The following ZNF41 variants were observed in gnomAD, a reference collection of about 807,000 sequenced individuals.
ZNF41 encodes the protein zinc finger protein 41.
ZNF41 carries 6 observed loss-of-function variants against 9.3 expected under a neutral mutation model. That is an observed-to-expected ratio of 0.65 (90% CI 0.35 to 1.28). The LOEUF is 1.28. ZNF41 is among the 50% of genes most tolerant of loss of function. The pLI is 0.03. For missense variants in ZNF41, 523 were observed against 585.8 expected (o/e 0.89, Z 1.11); for synonymous variants, 192 against 207.1 (o/e 0.93, Z 0.63).
In ZNF41 at chrX:47,457,411, A is replaced by G. The variant is rs752508376; in HGVS notation, c.73-1013T>C. On this transcript the variant is annotated intron_variant, in intron 2 of 4. Coordinates refer to ENST00000684689, the MANE Select transcript of ZNF41 (RefSeq NM_001324144.2). ...GGTGATACAGAGTGAGACTCCGTCT[A>G]AAAAAAAAAAAAGGATTGATCACGA... 9.2e-3 allele frequency among the ~76,000 whole-genome samples: 948 copies of G among 102,553 alleles called. 16 individuals are homozygous for G. The highest frequency in any genetic ancestry group is 0.04 in the Middle Eastern group (8 of 202). 89.1% of individuals were successfully genotyped at this position (102,553 alleles called of 115,157 possible).
intron 2 of ZNF41, among the ~76,000 whole-genome samples, chrX:47,465,948 A>G (rs190880393): frequency 8.9e-6 from 1 of 112,322 alleles, no homozygotes; most frequent in African/African-American, 3.2e-5. Context: ...GTAACCAAAG[A>G]GTATGATTCT....
chrX:47,449,159 T>G lies in ZNF41; in HGVS notation c.611A>C (p.Asn204Thr), dbSNP rs1317976254. 11 of 1,209,856 alleles carry G rather than the reference T, an allele frequency of 9.1e-6. No individual in the cohort carries two copies. Among genetic ancestry groups the G allele is most frequent in the Non-Finnish European group, 1.1e-5 (10 of 895,207 alleles). Reference sequence around the variant, plus strand: ...CTTTGTTGCACTGTTTCTATTATGATTATGTGAGTTTAAAGTATGCTTCAA... The same window carrying G: ...CTTTGTTGCACTGTTTCTATTATGAGTATGTGAGTTTAAAGTATGCTTCAA... Reference protein sequence around the residue: ...TILKHTLNSHNHNRNSATKNL... With the variant: ...TILKHTLNSHTHNRNSATKNL... The change falls in exon 5 of 5, where the codon AAT (asparagine) becomes ACT (threonine). Residue 204 changes from asparagine (N) to threonine (T), a missense_variant. By Grantham distance (65) the Asn-to-Thr change is moderately conservative. Coordinates refer to ENST00000684689, the MANE Select transcript of ZNF41 (RefSeq NM_001324144.2).
chrX:47,468,836 C>T (rs750342231), intron 1 of ZNF41, among the ~76,000 whole-genome samples: 11 of 111,110 alleles, frequency 9.9e-5, no homozygotes, highest in Non-Finnish European at 2.1e-4. Context: ...ACATTTCCAA[C>T]ACTTCCAGGC....
In ZNF41 at chrX:47,452,208, C is replaced by T. The variant is rs139445959; in HGVS notation, c.296-2734G>A. Among the ~76,000 whole-genome samples, 405 of 110,774 alleles carry T rather than the reference C, an allele frequency of 3.7e-3. 5 individuals are homozygous for T. The highest frequency in any genetic ancestry group is 0.013 in the African/African-American group (382 of 30,530). On this transcript the variant is annotated intron_variant, in intron 4 of 4. Coordinates refer to ENST00000684689, the MANE Select transcript of ZNF41 (RefSeq NM_001324144.2). ...TAGTGTCCCCAGTACCCAGGTCTCGCGGTCTTCTCTAGAGCTCGGCTCCTG... is the reference window on the plus strand; with the variant it reads ...TAGTGTCCCCAGTACCCAGGTCTCGTGGTCTTCTCTAGAGCTCGGCTCCTG...
intron 2 of ZNF41, among the ~76,000 whole-genome samples, chrX:47,466,809 C>T (rs2057005121): frequency 9.0e-6 from 1 of 111,640 alleles, no homozygotes; most frequent in African/African-American, 3.3e-5. Flanking sequence ...CATGAGCCAC[C>T]GTGCCCGGCC....
chrX:47,462,944 TATAC>T (rs1391014847), intron 2 of ZNF41, among the ~76,000 whole-genome samples: 130 of 59,814 alleles, frequency 2.2e-3, no homozygotes, highest in African/African-American at 6.6e-3. Flanking sequence ...CATATATATA[TATAC>T]ACACACACAC....
At chrX:47,478,266 G>A (rs1039003400) in intron 1 of ZNF41, among the ~76,000 whole-genome samples, 3 of 112,264 alleles carry the variant, frequency 2.7e-5, no homozygotes, top group Non-Finnish European at 5.6e-5. Context: ...AGCACTTTGG[G>A]AGGCCGAGGC....
chrX:47,469,039 C>T (rs1436370827), intron 1 of ZNF41, among the ~76,000 whole-genome samples: 4 of 110,758 alleles, frequency 3.6e-5, no homozygotes, highest in South Asian at 3.7e-4. Context: ...TAGCCGGGCG[C>T]GGTGGCTCAC....
chrX:47,465,806 G>A (rs2056963304), intron 2 of ZNF41, among the ~76,000 whole-genome samples: 1 of 111,118 alleles, frequency 9.0e-6, no homozygotes, highest in African/African-American at 3.3e-5. Context: ...GACTGCCTCA[G>A]AGAAAAAACA....
At chrX:47,455,262 A>T (rs2056514355) in intron 4 of ZNF41, among the ~76,000 whole-genome samples, 1 of 86,834 alleles carries the variant, frequency 1.2e-5, no homozygotes, top group African/African-American at 4.4e-5. Context: ...TAAATAAATA[A>T]ATAAAAATAA....
chrX:47,467,512 C>T lies in ZNF41; in HGVS notation c.-31G>A, dbSNP rs1282988948. 8.5e-7 allele frequency: 1 copy of T among 1,170,414 alleles called. No individual in the cohort carries two copies. The highest frequency in any genetic ancestry group is 1.1e-6 in the Non-Finnish European group (1 of 874,148). ...CGCTGGGCCTCAGCCCTCAGGCTCT[C>T]CTGCTGACAACCCCACTCTTCCCCA... is the stretch of plus-strand genomic sequence containing the variant. On this transcript the variant is annotated 5_prime_UTR_variant, in exon 2 of 5. Coordinates refer to ENST00000684689, the MANE Select transcript of ZNF41 (RefSeq NM_001324144.2).
intron 4 of ZNF41, among the ~76,000 whole-genome samples, chrX:47,449,992 C>T (rs1432381069): frequency 9.0e-6 from 1 of 111,455 alleles, no homozygotes; most frequent in Non-Finnish European, 1.9e-5. Context: ...AGCTCCACCA[C>T]TTTACTAAGC....
intron 1 of ZNF41, among the ~76,000 whole-genome samples, chrX:47,481,898 T>C: frequency 9.0e-6 from 1 of 110,952 alleles, no homozygotes; most frequent in Non-Finnish European, 1.9e-5. Context: ...AAGTCAAAAG[T>C]AGGTTTTGAA....
In ZNF41 at chrX:47,467,255, T is replaced by C. The variant is rs953110325; in HGVS notation, c.72+155A>G. 2.7e-6 allele frequency: 3 copies of C among 1,126,074 alleles called. No individual in the cohort carries two copies. In the African/African-American group the frequency reaches 5.4e-5, roughly 20 times the overall value. 92.8% of individuals were successfully genotyped at this position (1,126,074 alleles called of 1,213,427 possible). On this transcript the variant is annotated intron_variant, in intron 2 of 4. Transcript: ENST00000684689. ...GCCTCATCAGCCAAGTGGTGCTCAC[T>C]CTCAGCAAGAGGACCCTGATCTGTC...
chrX:47,450,054 A>C (rs1267208656), intron 4 of ZNF41, among the ~76,000 whole-genome samples: 1 of 111,705 alleles, frequency 9.0e-6, no homozygotes, highest in East Asian at 2.8e-4. Context: ...GGAGCCCTTC[A>C]AATTTAATGT....
rs2056088891 is a variant in ZNF41 at position 47,445,565 on chromosome X, T to C, written c.*1865A>G. Among the ~76,000 whole-genome samples the C allele has an allele frequency of 8.9e-6, 1 of 112,587 alleles. No individual in the cohort carries two copies. Among genetic ancestry groups the C allele is most frequent in the South Asian group, 3.6e-4 (1 of 2,763 alleles). On this transcript the variant is annotated 3_prime_UTR_variant, in exon 5 of 5. Transcript: ENST00000684689. ...CACTAGAACTCGCATACTGGGTTGG[T>C]GGGAGTGTACATTGGTACAACCACT...
In ZNF41 at chrX:47,448,295, T is replaced by A; in HGVS notation, c.1475A>T (p.Glu492Val). ...ACATTCTGTACATATATAGGGTTTC[T>A]CTCCGGTGTGAATTCTTTGATGCAC... Reference protein sequence around the residue: ...LHVHQRIHTGEKPYICTECGK... With the variant: ...LHVHQRIHTGVKPYICTECGK... The change falls in exon 5 of 5, where the codon GAG becomes GTG. Residue 492 changes from glutamate (E) to valine (V), a missense_variant. Glu to Val is a moderately radical substitution (Grantham distance 121). Transcript: ENST00000684689. 8.3e-7 allele frequency: 1 copy of A among 1,211,628 alleles called. No individual in the cohort carries two copies. Among genetic ancestry groups the A allele is most frequent in the South Asian group, 1.8e-5 (1 of 56,977 alleles).
intron 1 of ZNF41, among the ~76,000 whole-genome samples, chrX:47,478,842 G>A (rs1315003229): frequency 9.1e-6 from 1 of 110,214 alleles, no homozygotes; most frequent in Non-Finnish European, 1.9e-5. Flanking sequence ...CTGAGGCAGG[G>A]AGAATTGCTT....
intron 4 of ZNF41, among the ~76,000 whole-genome samples, chrX:47,450,319 G>A (rs1026135948): frequency 5.4e-5 from 6 of 110,482 alleles, no homozygotes; most frequent in Non-Finnish European, 9.5e-5. Flanking sequence ...CAAGTGGTTC[G>A]CCTGCTTCAG....
Sources: allele counts gnomAD v4.1 joint callset (sites outside exome capture counted in the v4.1 genomes callset), GRCh38; gene constraint gnomAD v4.1.1; transcripts MANE v1.5; gene names NCBI Gene and HGNC (gene_info 2026-07-23, HGNC 2026-07-21).